Variants in SLC25A21 observed in about 807,000 individuals in gnomAD.
SLC25A21 encodes solute carrier family 25 member 21.
Under a neutral mutation model 43.8 loss-of-function variants are expected in SLC25A21, and 47 were observed. That is an observed-to-expected ratio of 1.07 (90% confidence interval 0.85 to 1.37). The LOEUF is 1.37. SLC25A21 is among the 40% of genes most tolerant of loss of function. SLC25A21 has a pLI of 0.00. For missense variants in SLC25A21, 352 were observed against 350.2 expected (o/e 1.00, Z -0.04); for synonymous variants, 131 against 121.3 (o/e 1.08, Z -0.52).
At chr14:36,982,159 T>C (rs760637648) in intron 1 of SLC25A21, among the ~76,000 whole-genome samples, 1 of 152,244 alleles carries the variant, frequency 6.6e-6, no homozygotes, top group African/African-American at 2.4e-5. Flanking sequence ...AGCACCAAAT[T>C]ATAGAACAGA....
chr14:36,761,196 C>G lies in SLC25A21; in HGVS notation c.204-26623G>C, dbSNP rs150158553. ...GTGCATCCAAACAGAAGCCTTGGAG[C>G]ATTTTCTCCTGGCTTTGGTTGGCAC... On this transcript the variant is annotated intron_variant, in intron 3 of 9. Transcript: ENST00000331299. 7.9e-3 allele frequency among the ~76,000 whole-genome samples: 1,198 copies of G among 152,310 alleles called. 17 individuals carry two copies. Among genetic ancestry groups the G allele is most frequent in the African/African-American group, 0.027 (1,117 of 41,568 alleles).
At chr14:36,988,829 T>C (rs28487989) in intron 1 of SLC25A21, among the ~76,000 whole-genome samples, 23,907 of 152,186 alleles carry the variant, frequency 0.16, 2,357 homozygotes, top group South Asian at 0.22. Flanking sequence ...AAACCTTTAA[T>C]TAAACACTCT....
chr14:36,866,083 C>T (rs1349591747), intron 2 of SLC25A21, among the ~76,000 whole-genome samples: 1 of 152,012 alleles, frequency 6.6e-6, no homozygotes, highest in Non-Finnish European at 1.5e-5. Context: ...TTCTCCCATT[C>T]CCCAGCACCA....
intron 1 of SLC25A21, among the ~76,000 whole-genome samples, chr14:37,055,895 A>C (rs1961814421): frequency 6.6e-6 from 1 of 151,568 alleles, no homozygotes; most frequent in African/African-American, 2.4e-5. Context: ...GTCCTCATGC[A>C]AATCTCATGT....
chr14:36,793,492 C>A (rs1887562736), intron 3 of SLC25A21, among the ~76,000 whole-genome samples: 1 of 149,218 alleles, frequency 6.7e-6, no homozygotes, highest in Non-Finnish European at 1.5e-5. Flanking sequence ...GAAGCCTCTC[C>A]CATGAGCCTT....
rs757711209 is a variant in SLC25A21, at chr14:36,697,738, C to CTTTTTTTTTTTTTTTT, written c.604-12814_604-12813insAAAAAAAAAAAAAAAA. Among the ~76,000 whole-genome samples, 45 of 111,614 alleles carry CTTTTTTTTTTTTTTTT rather than the reference C, an allele frequency of 4.0e-4. 1 individual carries two copies. Among genetic ancestry groups the CTTTTTTTTTTTTTTTT allele is most frequent in the South Asian group, 9.4e-4 (3 of 3,206 alleles). 73.2% of individuals were successfully genotyped at this position (111,614 alleles called of 152,430 possible). A position where few individuals can be genotyped will look rare whatever the true frequency, so the allele number is the denominator to read the frequency against. ...TCTGAGACTAGGATTGCAAGCCCTACTTTTTTTTTTTGCTTTCCATTTGCT... is the reference window on the plus strand; with the variant it reads ...TCTGAGACTAGGATTGCAAGCCCTACTTTTTTTTTTTTTTTTTTTTTTTTTTTGCTTTCCATTTGCT... On this transcript the variant is annotated intron_variant, in intron 7 of 9. Transcript: ENST00000331299.
intron 1 of SLC25A21, among the ~76,000 whole-genome samples, chr14:37,152,458 T>G (rs1950373): frequency 0.92 from 138,351 of 150,740 alleles, 64,369 homozygotes; most frequent in Non-Finnish European, 1. Context: ...CTCAGCTCAC[T>G]GCAACCTCTG....
At chr14:36,723,765 G>A (rs1340655222) in intron 6 of SLC25A21, among the ~76,000 whole-genome samples, 1 of 152,196 alleles carries the variant, frequency 6.6e-6, no homozygotes, top group Non-Finnish European at 1.5e-5. Context: ...AGCATGAGCC[G>A]AGGTGCCCTG....
chr14:37,066,896 A>G (rs1267889511), intron 1 of SLC25A21, among the ~76,000 whole-genome samples: 1 of 152,184 alleles, frequency 6.6e-6, no homozygotes, highest in Non-Finnish European at 1.5e-5. Context: ...TTAAATGTTT[A>G]AAATTATTTT....
chr14:37,169,588 C>CACACAT (rs1231094546), intron 1 of SLC25A21, among the ~76,000 whole-genome samples: 1 of 149,950 alleles, frequency 6.7e-6, no homozygotes, highest in Non-Finnish European at 1.5e-5. Context: ...ATAACACACA[C>CACACAT]ACACACACAC....
intron 1 of SLC25A21, among the ~76,000 whole-genome samples, chr14:36,968,743 C>T (rs1275320441): frequency 6.6e-6 from 1 of 152,140 alleles, no homozygotes; most frequent in Non-Finnish European, 1.5e-5. Context: ...GAATGGAAAG[C>T]GTTCAGCGAT....
intron 3 of SLC25A21, chr14:36,807,185 T>G (rs945404828): frequency 6.6e-6 from 1 of 152,184 alleles, no homozygotes; most frequent in African/African-American, 2.4e-5. Context: ...GGGTCTGAGA[T>G]GTAGATCTCA....
chr14:36,854,626 T>C (rs1889843655), intron 2 of SLC25A21, among the ~76,000 whole-genome samples: 1 of 152,220 alleles, frequency 6.6e-6, no homozygotes, highest in South Asian at 2.1e-4. Context: ...GTGATTTTTA[T>C]TACCATTATC....
chr14:37,021,936 C>G (rs1960995483), intron 1 of SLC25A21, among the ~76,000 whole-genome samples: 1 of 151,770 alleles, frequency 6.6e-6, no homozygotes, highest in Non-Finnish European at 1.5e-5. Flanking sequence ...CTAATGCCTC[C>G]TTGGAGATAA....
At chr14:36,993,004 T>G (rs976091861) in intron 1 of SLC25A21, among the ~76,000 whole-genome samples, 1 of 152,338 alleles carries the variant, frequency 6.6e-6, no homozygotes, top group East Asian at 1.9e-4. Flanking sequence ...AGCAATTATC[T>G]AATTACTCAC....
rs1178992267 is a variant in SLC25A21, at chr14:36,678,490, G to A, written c.*2168C>T. On this transcript the variant is annotated 3_prime_UTR_variant, in exon 10 of 10. Transcript: ENST00000331299. Reference sequence around the variant, plus strand: ...TGACATCTGGAGTTCCCAGTCTGGTGAGAAAATAGACTATAAACTGAATGG... The same window carrying A: ...TGACATCTGGAGTTCCCAGTCTGGTAAGAAAATAGACTATAAACTGAATGG... The A allele has an allele frequency of 3.9e-6, 6 of 1,536,782 alleles. No individual in the cohort carries two copies. In the South Asian group the frequency reaches 5.9e-5, roughly 15 times the overall value.
intron 1 of SLC25A21, among the ~76,000 whole-genome samples, chr14:36,899,532 G>C (rs1427139700): frequency 6.6e-6 from 1 of 152,202 alleles, no homozygotes; most frequent in East Asian, 1.9e-4. Context: ...GAAGTGTGCA[G>C]AGACCAGGGC....
At chr14:36,783,712 A>AT (rs1210838706) in intron 3 of SLC25A21, among the ~76,000 whole-genome samples, 5 of 152,162 alleles carry the variant, frequency 3.3e-5, no homozygotes, top group Non-Finnish European at 7.4e-5. Context: ...CTCTAGATAG[A>AT]TTTTTTGCTC....
At chr14:37,143,111 C>T (rs1158005773) in intron 1 of SLC25A21, among the ~76,000 whole-genome samples, 3 of 152,144 alleles carry the variant, frequency 2.0e-5, no homozygotes, top group African/African-American at 7.2e-5. Context: ...GCTGAAAAAA[C>T]AGTTTGCCTG....
Sources: gnomAD v4.1 joint callset for allele counts (sites outside exome capture counted in the v4.1 genomes callset) on GRCh38, gnomAD v4.1.1 for gene constraint, MANE v1.5 for transcripts, NCBI Gene and HGNC (gene_info 2026-07-23, HGNC 2026-07-21) for gene names.